Variants in GNB4 observed in about 807,000 individuals in gnomAD.
GNB4 encodes G protein subunit beta 4.
Under a neutral mutation model 45.2 loss-of-function variants are expected in GNB4, and 28 were observed. The ratio of observed to expected loss-of-function variants is 0.62; its 90% CI spans 0.46 to 0.85. The LOEUF (loss-of-function observed/expected upper bound fraction) is 0.85. Ranked by LOEUF, GNB4 falls within the 40% of genes least tolerant of loss-of-function variation. The probability of loss-of-function intolerance (pLI) is 0.00; values close to 1 mark genes in which losing one functional copy is unlikely to be tolerated. For missense variants in GNB4, 321 were observed against 425.4 expected (o/e 0.75, Z 2.16); for synonymous variants, 132 against 143.7 (o/e 0.92, Z 0.58).
the GNB4 span, among the ~76,000 whole-genome samples, chr3:179,507,090 C>T: frequency 6.7e-4 from 102 of 152,332 alleles, no homozygotes; most frequent in African/African-American, 2.3e-3. Flanking sequence ...ACTGTAGAGT[C>T]GCCATCCATC....
intron 1 of GNB4, among the ~76,000 whole-genome samples, chr3:179,431,877 T>C (rs1225926531): frequency 1.3e-5 from 2 of 152,174 alleles, no homozygotes; most frequent in Non-Finnish European, 2.9e-5. Context: ...AATCCCTCAC[T>C]CTCATCCAGC....
chr3:179,524,049 T>G, the GNB4 span, among the ~76,000 whole-genome samples: 1 of 152,182 alleles, frequency 6.6e-6, no homozygotes, highest in Non-Finnish European at 1.5e-5. Context: ...AAAGGAAACA[T>G]GCCCTTGAAA....
At chr3:179,522,956 G>C in the GNB4 span, among the ~76,000 whole-genome samples, 1 of 152,052 alleles carries the variant, frequency 6.6e-6, no homozygotes, top group Non-Finnish European at 1.5e-5. Context: ...GGGAGAGCTA[G>C]TGTGAGAGTA....
chr3:179,510,366 C>A, the GNB4 span, among the ~76,000 whole-genome samples: 5 of 152,266 alleles, frequency 3.3e-5, no homozygotes, highest in African/African-American at 1.2e-4. Flanking sequence ...AGTGAACTAT[C>A]AGAAGAAAAT....
the GNB4 span, among the ~76,000 whole-genome samples, chr3:179,511,744 AG>A: frequency 6.6e-6 from 1 of 152,178 alleles, no homozygotes; most frequent in African/African-American, 2.4e-5. Flanking sequence ...TCAAAAAAAA[AG>A]AAAAAAAGAG....
chr3:179,471,793 G>A, the GNB4 span, among the ~76,000 whole-genome samples: 1 of 152,158 alleles, frequency 6.6e-6, no homozygotes, highest in African/African-American at 2.4e-5. Context: ...TATACTTTGA[G>A]GAGGCAAAAT....
At chr3:179,464,778 G>A in the GNB4 span, 3 of 1,306,702 alleles carry the variant, frequency 2.3e-6, no homozygotes, top group Non-Finnish European at 3.3e-6. Context: ...AGAAGGATCT[G>A]CAATGCTGTT....
intron 1 of GNB4, among the ~76,000 whole-genome samples, chr3:179,440,721 T>C (rs1400080583): frequency 6.6e-6 from 1 of 152,208 alleles, no homozygotes; most frequent in Non-Finnish European, 1.5e-5. Context: ...ACAGGGATGG[T>C]AAATTCCATT....
chr3:179,489,883 T>G, the GNB4 span, among the ~76,000 whole-genome samples: 2 of 152,184 alleles, frequency 1.3e-5, 1 homozygote, highest in African/African-American at 4.8e-5. Flanking sequence ...TTTCCACATT[T>G]CCCAACTGCT....
chr3:179,403,797 C>CAAAAAA (rs541714857), intron 9 of GNB4, among the ~76,000 whole-genome samples: 92 of 96,224 alleles, frequency 9.6e-4, no homozygotes, highest in East Asian at 1.7e-3. Context: ...GACTCCGTCT[C>CAAAAAA]AAAAAAATAA....
At chr3:179,419,903 ACTTC>A (rs1193624893) in intron 3 of GNB4, among the ~76,000 whole-genome samples, 2 of 152,018 alleles carry the variant, frequency 1.3e-5, no homozygotes, top group African/African-American at 4.8e-5. Context: ...CACATAAAAT[ACTTC>A]CTTAATAATA....
Position 179,414,999 on chromosome 3 carries a change from C to T in GNB4, c.316G>A (p.Ala106Thr), listed in dbSNP as rs1472408296. The change falls in exon 6 of 10, where the codon GCT (alanine) becomes ACT (threonine). Residue 106 changes from alanine (A) to threonine (T), a missense_variant. Transcript: ENST00000232564. ...CAGGCAACATAATTACCAGAGGGAGCATAAGCACAGGTCATCACCCAGGAG... is the reference window on the plus strand; with the variant it reads ...CAGGCAACATAATTACCAGAGGGAGTATAAGCACAGGTCATCACCCAGGAG... ...RSSWVMTCAY[A>T]PSGNYVACGG... 1.9e-6 allele frequency: 3 copies of T among 1,610,862 alleles called. No homozygotes were observed. Among genetic ancestry groups the T allele is most frequent in the South Asian group, 1.1e-5 (1 of 90,520 alleles).
chr3:179,471,772 G>T, the GNB4 span, among the ~76,000 whole-genome samples: 1 of 152,254 alleles, frequency 6.6e-6, no homozygotes, highest in Admixed American at 6.5e-5. Context: ...TATGGGATGC[G>T]CATGTAAAAA....
At chr3:179,437,751 CAT>C (rs1174844379) in intron 1 of GNB4, 6 of 152,034 alleles carry the variant, frequency 3.9e-5, no homozygotes, top group Admixed American at 6.5e-5. Flanking sequence ...CTGTAATACA[CAT>C]GAGGAGGACT....
At chr3:179,448,027 CA>C (rs1193016220) in intron 1 of GNB4, among the ~76,000 whole-genome samples, 2 of 152,116 alleles carry the variant, frequency 1.3e-5, no homozygotes, top group Non-Finnish European at 2.9e-5. Flanking sequence ...TCCAGTTTGG[CA>C]AGACTGACAT....
chr3:179,488,984 CAAAAAAAAAAAAAAAAAAA>C, the GNB4 span, among the ~76,000 whole-genome samples: 449 of 18,582 alleles, frequency 0.024, 18 homozygotes, highest in South Asian at 0.032. Flanking sequence ...ATCCTGTATC[CAAAAAAAAAAAAAAAAAAA>C]AAAAAAAAAA....
At chr3:179,419,543 T>C in intron 3 of GNB4, 38 bp from the exon 4 acceptor site, 1 of 1,230,136 alleles carries the variant, frequency 8.1e-7, no homozygotes, top group Non-Finnish European at 1.2e-6. Context: ...TTTACCTTAA[T>C]CATAGTTCAT....
At chr3:179,511,283 C>G in the GNB4 span, among the ~76,000 whole-genome samples, 4 of 152,198 alleles carry the variant, frequency 2.6e-5, no homozygotes, top group Admixed American at 2.6e-4. Context: ...CCTTCTCTCA[C>G]TATAAGGGCA....
upstream of GNB4, among the ~76,000 whole-genome samples, chr3:179,451,995 C>T (rs1467876251): frequency 6.6e-6 from 1 of 152,166 alleles, no homozygotes; most frequent in African/African-American, 2.4e-5. Context: ...CGTCTCGGGC[C>T]TAAGTTTCGT....
Sources: allele counts gnomAD v4.1 joint callset (sites outside exome capture counted in the v4.1 genomes callset), GRCh38; gene constraint gnomAD v4.1.1; transcripts MANE v1.5; gene names NCBI Gene and HGNC (gene_info 2026-07-23, HGNC 2026-07-21).